LDB2: variants seen among roughly 807,000 people sequenced by gnomAD.
The protein encoded by LDB2 is LIM domain binding 2.
In LDB2, 12 loss-of-function variants were observed where a neutral mutation model predicts 44.3. The observed-to-expected ratio is 0.27, with a 90% CI of 0.17 to 0.44. The LOEUF (loss-of-function observed/expected upper bound fraction) is 0.44. LDB2 is among the 20% of genes least tolerant of loss of function. The pLI is 1.00. For synonymous variants in LDB2, 164 were observed against 174.8 expected, an observed-to-expected ratio of 0.94 and a Z score of 0.49; for missense variants, 344 against 473.5, an observed-to-expected ratio of 0.73 and a Z score of 2.54.
intron 5 of LDB2, among the ~76,000 whole-genome samples, chr4:16,566,023 AAG>A (rs1286365382): frequency 1.3e-5 from 2 of 152,050 alleles, no homozygotes; most frequent in East Asian, 3.9e-4. Flanking sequence ...CAAGAGACAC[AAG>A]AAAGATCTCA....
intron 2 of LDB2, among the ~76,000 whole-genome samples, chr4:16,674,551 C>T (rs918960599): frequency 3.3e-5 from 5 of 152,174 alleles, no homozygotes; most frequent in African/African-American, 9.7e-5. Flanking sequence ...TTATTAATTA[C>T]TTGTGTGTGA....
intron 2 of LDB2, among the ~76,000 whole-genome samples, chr4:16,625,945 T>A (rs1730178160): frequency 6.6e-6 from 1 of 152,096 alleles, no homozygotes; most frequent in Admixed American, 6.5e-5. Context: ...TGTCCAACAC[T>A]GGTTTGTGTT....
At chr4:16,605,320 T>G (rs1320014709) in intron 2 of LDB2, among the ~76,000 whole-genome samples, 1 of 152,190 alleles carries the variant, frequency 6.6e-6, no homozygotes, top group Non-Finnish European at 1.5e-5. Context: ...AATTCCACGA[T>G]CAGAGAAGTA....
intron 2 of LDB2, among the ~76,000 whole-genome samples, chr4:16,680,638 G>A: frequency 6.6e-6 from 1 of 152,188 alleles, no homozygotes; most frequent in East Asian, 1.9e-4. Flanking sequence ...CAAGCAGCAA[G>A]TAAGTATAGA....
rs56104433 is a variant in LDB2, at chr4:16,739,589, A to ATATATATAT, written c.235+19568_235+19569insATATATATA. On this transcript the variant is annotated intron_variant, in intron 2 of 7. Coordinates refer to ENST00000304523, the MANE Select transcript of LDB2 (RefSeq NM_001290.5). ...TGACAGAGGGAAAAAAAAAAAAAAA[A>ATATATATAT]ATATATATATATATATATATGTATA... 4.7e-5 allele frequency among the ~76,000 whole-genome samples: 3 copies of ATATATATAT among 64,332 alleles called. 1 individual carries two copies. The highest frequency in any genetic ancestry group is 2.0e-4 in the Admixed American group (1 of 5,120). 42.2% of individuals were successfully genotyped at this position (64,332 alleles called of 152,430 possible). A position where few individuals can be genotyped will look rare whatever the true frequency, so the allele number is the denominator to read the frequency against.
At chr4:16,823,415 C>A (rs1782467538) in intron 1 of LDB2, among the ~76,000 whole-genome samples, 1 of 152,240 alleles carries the variant, frequency 6.6e-6, no homozygotes, top group Admixed American at 6.5e-5. Context: ...GAAGTCACAG[C>A]ATCCAATCCC....
chr4:16,822,551 T>C (rs1043250782), intron 1 of LDB2, among the ~76,000 whole-genome samples: 1 of 152,212 alleles, frequency 6.6e-6, no homozygotes, highest in Admixed American at 6.5e-5. Context: ...AGTCTTGCTC[T>C]TTCGCCCTGG....
chr4:16,770,540 C>A (rs6840392), intron 1 of LDB2, among the ~76,000 whole-genome samples: 4,224 of 152,000 alleles, frequency 0.028, 182 homozygotes, highest in African/African-American at 0.094. Flanking sequence ...TTTCTTATCC[C>A]AATGTCAGTG....
At chr4:16,539,288 G>A (rs959241381) in intron 5 of LDB2, among the ~76,000 whole-genome samples, 2 of 152,160 alleles carry the variant, frequency 1.3e-5, no homozygotes, top group African/African-American at 4.8e-5. Flanking sequence ...GGCATTATAA[G>A]CAGAGGGAGA....
chr4:16,674,083 C>A, intron 2 of LDB2: 1 of 425,330 alleles, frequency 2.4e-6, no homozygotes, highest in Non-Finnish European at 4.4e-6. Context: ...TACGTTAACG[C>A]AACTGAAGCT....
chr4:16,890,814 T>C (rs1248040199), intron 1 of LDB2, among the ~76,000 whole-genome samples: 2 of 152,170 alleles, frequency 1.3e-5, no homozygotes, highest in African/African-American at 4.8e-5. Flanking sequence ...TTTACTCTCA[T>C]GACAATGGCT....
At chr4:16,795,572 G>C (rs1053742363) in intron 1 of LDB2, among the ~76,000 whole-genome samples, 38 of 152,078 alleles carry the variant, frequency 2.5e-4, no homozygotes, top group African/African-American at 8.2e-4. Context: ...AGCTCACCTT[G>C]GGTAATGCAC....
chr4:16,577,011 A>T (rs1019124082), intron 5 of LDB2, among the ~76,000 whole-genome samples: 1 of 152,194 alleles, frequency 6.6e-6, no homozygotes, highest in Non-Finnish European at 1.5e-5. Flanking sequence ...ATGCTGAAAA[A>T]GCATTTGATA....
At chr4:16,888,241 A>G (rs941132693) in intron 1 of LDB2, among the ~76,000 whole-genome samples, 2 of 152,224 alleles carry the variant, frequency 1.3e-5, no homozygotes, top group African/African-American at 4.8e-5. Flanking sequence ...CCCCATTCAG[A>G]CAGCCCTGCA....
intron 2 of LDB2, among the ~76,000 whole-genome samples, chr4:16,657,243 T>G (rs1740134946): frequency 6.6e-6 from 1 of 152,182 alleles, no homozygotes; most frequent in African/African-American, 2.4e-5. Flanking sequence ...AAATTTAAAA[T>G]TATACATGTG....
chr4:16,542,725 A>ATTTT (rs140614064), intron 5 of LDB2, among the ~76,000 whole-genome samples: 23,060 of 151,322 alleles, frequency 0.15, 1,778 homozygotes, highest in South Asian at 0.27. Flanking sequence ...ATGCTCAATA[A>ATTTT]TTTTTTTTTA....
At chr4:16,575,518 A>T (rs555082961) in intron 5 of LDB2, among the ~76,000 whole-genome samples, 1 of 152,340 alleles carries the variant, frequency 6.6e-6, no homozygotes, top group East Asian at 1.9e-4. Context: ...TTTCCTTGGC[A>T]CATGGATGAT....
intron 1 of LDB2, among the ~76,000 whole-genome samples, chr4:16,805,640 A>T (rs992127332): frequency 6.6e-5 from 10 of 152,188 alleles, no homozygotes; most frequent in Non-Finnish European, 1.3e-4. Flanking sequence ...GATCAATTTG[A>T]TTCCAGCTGA....
At chr4:16,749,616 A>G (rs913905845) in intron 2 of LDB2, among the ~76,000 whole-genome samples, 5 of 150,452 alleles carry the variant, frequency 3.3e-5, no homozygotes, top group African/African-American at 1.2e-4. Flanking sequence ...ATGAGTCTCA[A>G]GTCCTTGTTC....
Sources: gnomAD v4.1 joint callset for allele counts (sites outside exome capture counted in the v4.1 genomes callset) on GRCh38, gnomAD v4.1.1 for gene constraint, MANE v1.5 for transcripts, NCBI Gene and HGNC (gene_info 2026-07-23, HGNC 2026-07-21) for gene names.